CLVS1: variants seen among roughly 807,000 people sequenced by gnomAD.
CLVS1 encodes clavesin-1.
A neutral mutation model predicts 33.1 loss-of-function variants in CLVS1; 10 were observed. The ratio of observed to expected loss-of-function variants is 0.30; its 90% CI spans 0.19 to 0.51. The LOEUF (loss-of-function observed/expected upper bound fraction) is 0.51. Ranked by LOEUF, CLVS1 falls within the 20% of genes least tolerant of loss-of-function variation. CLVS1 has a pLI of 0.97. For synonymous variants in CLVS1, 163 were observed against 166.1 expected (o/e 0.98, Z 0.14); for missense variants, 343 against 433.4 (o/e 0.79, Z 1.85).
intron 1 of CLVS1, among the ~76,000 whole-genome samples, chr8:61,089,681 G>A (rs1023413908): frequency 2.0e-5 from 3 of 152,156 alleles, no homozygotes; most frequent in African/African-American, 7.2e-5. Flanking sequence ...GGCTTTGGGA[G>A]GCTGAGGCAG....
chr8:61,313,933 G>A (rs888348831), intron 2 of CLVS1, among the ~76,000 whole-genome samples: 4 of 152,176 alleles, frequency 2.6e-5, no homozygotes, highest in African/African-American at 9.7e-5. Context: ...GGAGTCATGG[G>A]CTCGGCAGGG....
intron 2 of CLVS1, among the ~76,000 whole-genome samples, chr8:61,227,210 A>G (rs1273013702): frequency 2.0e-5 from 3 of 152,096 alleles, no homozygotes; most frequent in African/African-American, 7.2e-5. Context: ...ATAGACCAGC[A>G]GTGCTATTTT....
At chr8:61,310,755 A>G (rs1810803262) in intron 2 of CLVS1, among the ~76,000 whole-genome samples, 1 of 152,230 alleles carries the variant, frequency 6.6e-6, no homozygotes, top group Non-Finnish European at 1.5e-5. Flanking sequence ...CCAGCAAAGG[A>G]CACTGGATAT....
chr8:61,013,602 C>T, the CLVS1 span, among the ~76,000 whole-genome samples: 1 of 152,210 alleles, frequency 6.6e-6, no homozygotes, highest in African/African-American at 2.4e-5. Context: ...AAAGATCATA[C>T]ATTGATAGCT....
At chr8:61,283,085 A>G (rs747433785), upstream of CLVS1, among the ~76,000 whole-genome samples, 17 of 152,184 alleles carry the variant, frequency 1.1e-4, no homozygotes, top group Non-Finnish European at 2.4e-4. Flanking sequence ...TACTGTAGCA[A>G]TTCATCTGAG....
chr8:61,488,490 T>A (rs1033962211), intron 5 of CLVS1, among the ~76,000 whole-genome samples: 4 of 152,244 alleles, frequency 2.6e-5, no homozygotes, highest in African/African-American at 9.6e-5. Flanking sequence ...CTTTTGTATT[T>A]TCCTTGATTT....
rs192520795 is a variant in CLVS1 at position 61,429,253 on chromosome 8, C to T, written c.631-24888C>T. On this transcript the variant is annotated intron_variant, in intron 3 of 5. Coordinates refer to ENST00000325897, the MANE Select transcript of CLVS1 (RefSeq NM_173519.3). ...TGGCCAACATGGTGAAACCCTGTCT[C>T]TACTAAAAATACAAAAATTAGCTGG... is the stretch of plus-strand genomic sequence containing the variant. Among the ~76,000 whole-genome samples the T allele has an allele frequency of 1.8e-3, 280 of 151,968 alleles. 4 individuals are homozygous for T. In the East Asian group the frequency reaches 0.044, roughly 24 times the overall value.
chr8:60,997,351 A>G, the CLVS1 span, among the ~76,000 whole-genome samples: 1 of 152,202 alleles, frequency 6.6e-6, no homozygotes, highest in Non-Finnish European at 1.5e-5. Flanking sequence ...TGACTGTAGG[A>G]CATCCTTGCC....
chr8:61,435,213 A>G (rs574991717), intron 3 of CLVS1, among the ~76,000 whole-genome samples: 1 of 152,320 alleles, frequency 6.6e-6, no homozygotes, highest in South Asian at 2.1e-4. Flanking sequence ...AGGTTTAGCA[A>G]TTATGCAGCA....
chr8:61,198,646 C>T (rs554809234), intron 2 of CLVS1, among the ~76,000 whole-genome samples: 3 of 152,328 alleles, frequency 2.0e-5, no homozygotes, highest in African/African-American at 7.2e-5. Flanking sequence ...TCCCAAAGTG[C>T]TGAGATAACA....
chr8:61,181,948 G>A (rs1194275055), intron 2 of CLVS1, among the ~76,000 whole-genome samples: 16 of 152,096 alleles, frequency 1.1e-4, no homozygotes, highest in South Asian at 8.3e-4. Flanking sequence ...TGATCCACCC[G>A]CCTCAGCCTC....
the CLVS1 span, among the ~76,000 whole-genome samples, chr8:61,050,382 CTA>C: frequency 6.6e-6 from 1 of 152,216 alleles, no homozygotes; most frequent in African/African-American, 2.4e-5. Context: ...TACGAGGACT[CTA>C]TGTGGTAGTA....
chr8:61,289,381 C>T lies in CLVS1; in HGVS notation c.-152+1243C>T, dbSNP rs540023502. Among the ~76,000 whole-genome samples the T allele has an allele frequency of 9.2e-5, 14 of 152,330 alleles. No homozygotes were observed. In the East Asian group the frequency reaches 2.7e-3, roughly 29 times the overall value. ...TGAACCTGAAAGTCTAAGCCCAAGT[C>T]ATAGTCCCTATTTGATTTAGCCAGG... On this transcript the variant is annotated intron_variant, in intron 1 of 5. Transcript: ENST00000325897.
At chr8:61,410,066 G>GTTTTTTTTTTTTTT (rs201195565) in intron 3 of CLVS1, among the ~76,000 whole-genome samples, 17 of 106,916 alleles carry the variant, frequency 1.6e-4, no homozygotes, top group African/African-American at 5.1e-4. Flanking sequence ...ACTTGCAGAG[G>GTTTTTTTTTTTTTT]TTTTTTTTTT....
chr8:61,240,591 A>G (rs1808677640), intron 2 of CLVS1, among the ~76,000 whole-genome samples: 3 of 152,340 alleles, frequency 2.0e-5, no homozygotes, highest in African/African-American at 4.8e-5. Context: ...TTTATTCACA[A>G]TTGTGCTCCC....
chr8:61,075,686 C>A (rs140515955), intron 1 of CLVS1, among the ~76,000 whole-genome samples: 1 of 152,252 alleles, frequency 6.6e-6, no homozygotes, highest in East Asian at 1.9e-4. Flanking sequence ...CCCTTTTTCA[C>A]CTTCCCCCTT....
At chr8:61,123,899 G>T (rs1407497561) in intron 1 of CLVS1, among the ~76,000 whole-genome samples, 3 of 152,148 alleles carry the variant, frequency 2.0e-5, no homozygotes, top group Non-Finnish European at 4.4e-5. Flanking sequence ...ATGGCGAGGA[G>T]GATGCTATTG....
the CLVS1 span, among the ~76,000 whole-genome samples, chr8:60,985,198 T>C: frequency 6.6e-6 from 1 of 152,232 alleles, no homozygotes; most frequent in Non-Finnish European, 1.5e-5. Flanking sequence ...AGGAAATCTC[T>C]TTAAAAGGTT....
At chr8:61,339,900 G>A (rs1301157935) in intron 2 of CLVS1, among the ~76,000 whole-genome samples, 1 of 150,340 alleles carries the variant, frequency 6.7e-6, no homozygotes, top group Non-Finnish European at 1.5e-5. Context: ...AGGGAGAAAG[G>A]GAGGGAGGGA....
Sources: gnomAD v4.1 joint callset for allele counts (sites outside exome capture counted in the v4.1 genomes callset) on GRCh38, gnomAD v4.1.1 for gene constraint, MANE v1.5 for transcripts, NCBI Gene and HGNC (gene_info 2026-07-23, HGNC 2026-07-21) for gene names.